Variants in AQR observed in about 807,000 individuals in gnomAD.
AQR encodes aquarius intron-binding spliceosomal factor.
A neutral mutation model predicts 180.5 loss-of-function variants in AQR; 61 were observed. The observed-to-expected ratio is 0.34, with a 90% CI of 0.28 to 0.42. The LOEUF is 0.42. Among genes scored for constraint, AQR ranks in the 10% least tolerant of loss-of-function variants. The probability of loss-of-function intolerance (pLI) is 1.00; values close to 1 mark genes in which losing one functional copy is unlikely to be tolerated. For missense variants in AQR, 1,281 were observed against 1,798.3 expected (o/e 0.71, Z 5.20); for synonymous variants, 551 against 588.8 (o/e 0.94, Z 0.93).
rs867587480 is a variant in AQR, at chr15:34,858,311, C to T, written c.4144-1205G>A. On this transcript the variant is annotated intron_variant, in intron 34 of 34. Coordinates refer to ENST00000156471, the MANE Select transcript of AQR (RefSeq NM_014691.3). ...TAAGATTTTTAAAAAGTACCGTGCA[C>T]GACAGCAGCAAAAAAAAAAAAAAAA... 1.6e-4 allele frequency among the ~76,000 whole-genome samples: 16 copies of T among 98,094 alleles called. No individual in the cohort carries two copies. In the South Asian group the frequency reaches 1.8e-3, roughly 11 times the overall value. 64.4% of individuals were successfully genotyped at this position (98,094 alleles called of 152,430 possible).
At chr15:34,879,125 T>C (rs1266605722) in intron 27 of AQR, among the ~76,000 whole-genome samples, 2 of 152,134 alleles carry the variant, frequency 1.3e-5, no homozygotes, top group African/African-American at 4.8e-5. Flanking sequence ...ATCACCACTA[T>C]CTCTGGAAAC....
chr15:34,863,109 T>C (rs113368192), intron 32 of AQR, 68 bp from the exon 33 acceptor site: 3 of 1,428,072 alleles, frequency 2.1e-6, no homozygotes. Context: ...TTTTTTTTTT[T>C]TCACAGATTT....
chr15:34,964,812 G>A (rs1007540413), intron 1 of AQR, among the ~76,000 whole-genome samples: 9 of 150,802 alleles, frequency 6.0e-5, no homozygotes, highest in Non-Finnish European at 1.2e-4. Flanking sequence ...GAATATAAGA[G>A]CTGGCATATT....
At chr15:34,935,675 A>G (rs1456169813) in intron 9 of AQR, among the ~76,000 whole-genome samples, 2 of 152,196 alleles carry the variant, frequency 1.3e-5, no homozygotes, top group African/African-American at 4.8e-5. Flanking sequence ...GCTGGAAAAG[A>G]CCTTTGAGAG....
chr15:34,897,688 C>A lies in AQR; in HGVS notation c.2261G>T (p.Arg754Ile). ...IPPFRITFPV[R>I]SGKGKKRKDA... is the part of the protein sequence containing the mutation. Reference sequence around the variant, plus strand: ...TTTCCTTTTCTTCCCTTTTCCACTTCTTACTGGAAAAGTTATCCTACAAGA... The same window carrying A: ...TTTCCTTTTCTTCCCTTTTCCACTTATTACTGGAAAAGTTATCCTACAAGA... The change falls in exon 21 of 35, where the codon AGA becomes ATA. Residue 754 changes from arginine to isoleucine, a missense_variant. By Grantham distance (97) the Arg-to-Ile change is moderately conservative. Transcript: ENST00000156471. 1 of 1,613,922 alleles carries A rather than the reference C, an allele frequency of 6.2e-7. No homozygotes were observed. Among genetic ancestry groups the A allele is most frequent in the Non-Finnish European group, 8.5e-7 (1 of 1,179,910 alleles).
chr15:34,956,529 G>A (rs1894318782), intron 3 of AQR, among the ~76,000 whole-genome samples: 1 of 152,038 alleles, frequency 6.6e-6, no homozygotes, highest in Admixed American at 6.6e-5. Flanking sequence ...GCACATGCTT[G>A]TAATCCCAGC....
Position 34,944,340 on chromosome 15 carries a change from A to C in AQR, c.419T>G (p.Leu140Arg). 1 of 1,611,682 alleles carries C rather than the reference A, an allele frequency of 6.2e-7. No individual in the cohort carries two copies. Among genetic ancestry groups the C allele is most frequent in the Non-Finnish European group, 8.5e-7 (1 of 1,179,004 alleles). Residue 140 changes from leucine to arginine, a missense_variant, in exon 6 of 35, where the codon CTT becomes CGT. Physicochemically the swap from Leu to Arg is moderately radical, Grantham distance 102. Coordinates refer to ENST00000156471, the MANE Select transcript of AQR (RefSeq NM_014691.3). ...AAGTAGTAAGACTGTCTGTTCATGA[A>C]GTGAAAATTCACCATCAGTTTCAGC... The part of the protein sequence containing the change: ...ALAETDGEFS[L>R]HEQTVLLLFL...
chr15:34,968,505 G>A (rs1300358515), intron 1 of AQR, among the ~76,000 whole-genome samples: 1 of 151,940 alleles, frequency 6.6e-6, no homozygotes, highest in Non-Finnish European at 1.5e-5. Flanking sequence ...TGATCCGCCC[G>A]CCTCGGCCTC....
chr15:34,942,514 G>A (rs1036611229), intron 6 of AQR, among the ~76,000 whole-genome samples: 2 of 152,088 alleles, frequency 1.3e-5, no homozygotes, highest in African/African-American at 2.4e-5. Flanking sequence ...TGATGATTTC[G>A]CTGTTTAAAA....
rs538711417 is a variant in AQR at position 34,949,605 on chromosome 15, C to CAAA, written c.210-1224_210-1222dup. 8.5e-3 allele frequency among the ~76,000 whole-genome samples: 421 copies of CAAA among 49,632 alleles called. 2 individuals carry two copies. Among genetic ancestry groups the CAAA allele is most frequent in the African/African-American group, 0.033 (395 of 11,966 alleles). 32.6% of individuals were successfully genotyped at this position (49,632 alleles called of 152,430 possible). A position where few individuals can be genotyped will look rare whatever the true frequency, so the allele number is the denominator to read the frequency against. ...GCCTGGCAACAGTGAGACTCCGTCA[C>CAAA]AAAAAAAAAAAAAAAAAAAAAAGGA... On this transcript the variant is annotated intron_variant, in intron 4 of 34. Coordinates refer to ENST00000156471, the MANE Select transcript of AQR (RefSeq NM_014691.3).
intron 27 of AQR, among the ~76,000 whole-genome samples, chr15:34,876,244 C>T (rs1241786300): frequency 6.6e-6 from 1 of 152,214 alleles, no homozygotes; most frequent in African/African-American, 2.4e-5. Context: ...CCTAAATATA[C>T]AACTTTACAT....
In AQR at chr15:34,855,590, TC is replaced by T. The variant is rs1892577345; in HGVS notation, c.*1201del. The T allele has an allele frequency of 6.7e-6, 1 of 150,204 alleles. No individual in the cohort carries two copies. The highest frequency in any genetic ancestry group is 2.5e-5 in the African/African-American group (1 of 40,766). 9.3% of individuals were successfully genotyped at this position (150,204 alleles called of 1,614,324 possible). A position where few individuals can be genotyped will look rare whatever the true frequency, so the allele number is the denominator to read the frequency against. ...TGCCCAGGGACCTTGTAAGCAGAGG[TC>T]CCTTGTCAGAAAACATTAGTCACAT... On this transcript the variant is annotated 3_prime_UTR_variant, in exon 35 of 35. Coordinates refer to ENST00000156471, the MANE Select transcript of AQR (RefSeq NM_014691.3).
chr15:34,872,043 G>A (rs1308558942), intron 30 of AQR, among the ~76,000 whole-genome samples: 1 of 151,310 alleles, frequency 6.6e-6, no homozygotes, highest in Non-Finnish European at 1.5e-5. Flanking sequence ...TTATATTCTG[G>A]TTCTTTGTGA....
intron 7 of AQR, among the ~76,000 whole-genome samples, 154 bp from the exon 8 acceptor site, chr15:34,941,153 AAATG>A (rs1232175071): frequency 6.6e-6 from 1 of 152,260 alleles, no homozygotes; most frequent in Non-Finnish European, 1.5e-5. Context: ...GAAAATTAAG[AAATG>A]AATAACGATA....
intron 33 of AQR, among the ~76,000 whole-genome samples, chr15:34,860,927 A>C (rs1892662233): frequency 6.6e-6 from 1 of 152,246 alleles, no homozygotes; most frequent in Non-Finnish European, 1.5e-5. Flanking sequence ...ACAATCTAAG[A>C]AACACTGCTC....
Position 34,893,643 on chromosome 15 carries a change from A to AGT in AQR, c.2571+19_2571+20insAC. 3 of 1,585,862 alleles carry AGT rather than the reference A, an allele frequency of 1.9e-6. No individual in the cohort carries two copies. Among genetic ancestry groups the AGT allele is most frequent in the Non-Finnish European group, 2.6e-6 (3 of 1,161,134 alleles). On this transcript the variant is annotated intron_variant, in intron 23 of 34. Transcript: ENST00000156471. ...CACACACACACACACACACACACAC[A>AGT]CACACACACAGTCATTTACCTGATT...
At chr15:34,899,442 G>C (rs1893296988) in intron 20 of AQR, among the ~76,000 whole-genome samples, 1 of 151,856 alleles carries the variant, frequency 6.6e-6, no homozygotes, top group African/African-American at 2.4e-5. Flanking sequence ...GCAGTGGTGT[G>C]ATCATAGCTC....
chr15:34,969,660 G>C lies in AQR; in HGVS notation c.-47C>G. On this transcript the variant is annotated 5_prime_UTR_variant, in exon 1 of 35. Transcript: ENST00000156471. ...CCAGTGGAAACTAAAGGACCGCTCTGGGCAGCGGCAACCCTGGTCCACTTC... is the reference window on the plus strand; with the variant it reads ...CCAGTGGAAACTAAAGGACCGCTCTCGGCAGCGGCAACCCTGGTCCACTTC... 1 of 1,590,462 alleles carries C rather than the reference G, an allele frequency of 6.3e-7. No individual in the cohort carries two copies. Among genetic ancestry groups the C allele is most frequent in the Non-Finnish European group, 8.6e-7 (1 of 1,169,576 alleles).
chr15:34,927,757 C>A (rs1893787244), intron 12 of AQR, among the ~76,000 whole-genome samples: 1 of 152,160 alleles, frequency 6.6e-6, no homozygotes, highest in Non-Finnish European at 1.5e-5. Context: ...CAGAAAAGAT[C>A]CGGAAGTTTT....
Sources: gnomAD v4.1 joint callset for allele counts (sites outside exome capture counted in the v4.1 genomes callset) on GRCh38, gnomAD v4.1.1 for gene constraint, MANE v1.5 for transcripts, NCBI Gene and HGNC (gene_info 2026-07-23, HGNC 2026-07-21) for gene names.